Variants in KCNT1 observed in about 807,000 individuals in gnomAD.
KCNT1 encodes the protein potassium sodium-activated channel subfamily T member 1.
Under a neutral mutation model 147.8 loss-of-function variants are expected in KCNT1, and 78 were observed. The ratio of observed to expected loss-of-function variants is 0.53; its 90% CI spans 0.44 to 0.64. KCNT1 has a LOEUF of 0.64. Ranked by LOEUF, KCNT1 falls within the 30% of genes least tolerant of loss-of-function variation. The pLI is 0.00. For missense variants in KCNT1, 1,419 were observed against 1,750.3 expected (o/e 0.81, Z 3.38); for synonymous variants, 867 against 748.8 (o/e 1.16, Z -2.58).
chr9:135,746,789 C>T (rs1030347268), intron 2 of KCNT1, among the ~76,000 whole-genome samples: 9 of 151,676 alleles, frequency 5.9e-5, no homozygotes, highest in Non-Finnish European at 1.3e-4. Flanking sequence ...ATGGTCAGGG[C>T]GGAGCTGGGC....
intron 19 of KCNT1, among the ~76,000 whole-genome samples, chr9:135,774,822 C>T (rs1285887884): frequency 6.6e-6 from 1 of 152,028 alleles, no homozygotes; most frequent in African/African-American, 2.4e-5. Context: ...CTGGGCTGAC[C>T]AGGTGAGGGG....
At chr9:135,782,555 G>A (rs1833690877) in intron 24 of KCNT1, among the ~76,000 whole-genome samples, 1 of 152,208 alleles carries the variant, frequency 6.6e-6, no homozygotes, top group South Asian at 2.1e-4. Flanking sequence ...GTGTGCTCCT[G>A]TCTTCACTGT....
At chr9:135,754,566 C>T (rs2131424778) in intron 5 of KCNT1, among the ~76,000 whole-genome samples, 1 of 152,342 alleles carries the variant, frequency 6.6e-6, no homozygotes, top group South Asian at 2.1e-4. Context: ...GTCCCCAGTG[C>T]CTGAGCCCCT....
intron 20 of KCNT1, among the ~76,000 whole-genome samples, chr9:135,776,864 G>A (rs1588379824): frequency 6.6e-6 from 1 of 152,338 alleles, no homozygotes; most frequent in African/African-American, 2.4e-5. Context: ...CTTTCCAACC[G>A]GAGATGTTCC....
At chr9:135,712,189 C>T (rs997489931) in intron 1 of KCNT1, among the ~76,000 whole-genome samples, 13 of 152,158 alleles carry the variant, frequency 8.5e-5, no homozygotes, top group African/African-American at 3.1e-4. Context: ...GTCCCGTCAC[C>T]TCAGCCCTGG....
intron 29 of KCNT1, chr9:135,787,977 T>C: frequency 1.4e-6 from 1 of 737,712 alleles, no homozygotes; most frequent in Non-Finnish European, 2.5e-6. Context: ...GACTCGCTTC[T>C]GGTGGCCGGC....
At chr9:135,723,804 G>A (rs1011390132) in intron 2 of KCNT1, among the ~76,000 whole-genome samples, 1 of 152,192 alleles carries the variant, frequency 6.6e-6, no homozygotes, top group Non-Finnish European at 1.5e-5. Context: ...CCACCCCTCG[G>A]GGCTTGCAGG....
Position 135,714,739 on chromosome 9 carries a change from G to GGGC in KCNT1, c.254+19_254+20insGGC, listed in dbSNP as rs368700117. The GGGC allele has an allele frequency of 7.5e-7, 1 of 1,340,550 alleles. No individual in the cohort carries two copies. Among genetic ancestry groups the GGGC allele is most frequent in the Non-Finnish European group, 9.7e-7 (1 of 1,030,282 alleles). The allele number at this position is 1,340,550 out of a possible 1,614,324, so 83.0% of individuals were successfully genotyped here. A position where few individuals can be genotyped will look rare whatever the true frequency, so the allele number is the denominator to read the frequency against. ...ACGACAGGTAGGGACCGGGCGCGGG[G>GGGC]TGGGGGCTGGGGTCGCCGTCCCGGC... On this transcript the variant is annotated intron_variant, in intron 2 of 30. Transcript: ENST00000371757. This position sits in a 1 kb window ranked among gnomAD's most constrained non-coding sequence, Gnocchi z 6.2.
chr9:135,760,939 C>CA (rs1387051679), intron 11 of KCNT1, among the ~76,000 whole-genome samples: 2 of 152,214 alleles, frequency 1.3e-5, no homozygotes, highest in Non-Finnish European at 2.9e-5. Flanking sequence ...TAGAAGAAGC[C>CA]AGTTGTGTGT....
chr9:135,735,789 A>G (rs922105947), intron 2 of KCNT1, among the ~76,000 whole-genome samples: 3 of 152,132 alleles, frequency 2.0e-5, no homozygotes, highest in Admixed American at 6.5e-5. Context: ...GCCACCCGGC[A>G]CTGCTGAGGA....
intron 1 of KCNT1, among the ~76,000 whole-genome samples, chr9:135,709,504 C>A (rs75723241): frequency 3.3e-5 from 5 of 152,158 alleles, no homozygotes; most frequent in Admixed American, 2.6e-4. Context: ...TGCTCCCAGT[C>A]GGCTGGACAC....
At chr9:135,773,778 T>C (rs1415806313) in intron 19 of KCNT1, among the ~76,000 whole-genome samples, 1 of 152,074 alleles carries the variant, frequency 6.6e-6, no homozygotes, top group Non-Finnish European at 1.5e-5. Context: ...AACCATTGCA[T>C]GTGTGTGTTG....
At chr9:135,756,120 C>T (rs1360497756) in intron 6 of KCNT1, among the ~76,000 whole-genome samples, 1 of 150,102 alleles carries the variant, frequency 6.7e-6, no homozygotes, top group Non-Finnish European at 1.5e-5. Context: ...ATGCTGAAGA[C>T]AGACAGGCTC....
intron 16 of KCNT1, 77 bp downstream of exon 16, chr9:135,770,132 G>C: frequency 7.1e-7 from 1 of 1,407,886 alleles, no homozygotes. Context: ...CCTGCTTGGG[G>C]GCGGGGATGG....
At position 135,784,829 on chromosome 9, in the gene KCNT1, C is replaced by A; in HGVS notation, c.3096C>A (p.Ser1032=). The A allele has an allele frequency of 6.2e-7, 1 of 1,612,856 alleles. No homozygotes were observed. Among genetic ancestry groups the A allele is most frequent in the South Asian group, 1.1e-5 (1 of 91,076 alleles). ...YGRLFQKLCS[S]SAEIPIGIYR... ...GCCTCTTCCAGAAGCTCTGCTCCTC[C>A]AGCGCCGAGATCCCCATTGGCATCT... The change falls in exon 27 of 31, where the codon TCC becomes TCA. Residue 1032 remains serine (S), a synonymous_variant. Coordinates refer to ENST00000371757, the MANE Select transcript of KCNT1 (RefSeq NM_020822.3).
rs537201689 is a variant in KCNT1 at position 135,751,965 on chromosome 9, C to T, written c.434+924C>T. On this transcript the variant is annotated intron_variant, in intron 4 of 30. Coordinates refer to ENST00000371757, the MANE Select transcript of KCNT1 (RefSeq NM_020822.3). ...AATGTCCTTCCGAAGATGGTGTCTCCAGTCCTTTCCTGTTTTACGCTTTCC... is the reference window on the plus strand; with the variant it reads ...AATGTCCTTCCGAAGATGGTGTCTCTAGTCCTTTCCTGTTTTACGCTTTCC... The T allele has an allele frequency of 2.1e-5, 4 of 190,578 alleles. 1 individual carries two copies. The South Asian group carries it at 3.1e-4, about 15-fold the overall frequency. The allele number at this position is 190,578 out of a possible 1,614,324, so 11.8% of individuals were successfully genotyped here. A position where few individuals can be genotyped will look rare whatever the true frequency, so the allele number is the denominator to read the frequency against.
At chr9:135,736,613 G>C (rs1350210954) in intron 2 of KCNT1, 2 of 153,070 alleles carry the variant, frequency 1.3e-5, no homozygotes, top group East Asian at 3.8e-4. Context: ...GCCGCCCGCC[G>C]CGCCGAGCGC....
chr9:135,719,186 G>A (rs1486320662), intron 2 of KCNT1, among the ~76,000 whole-genome samples: 1 of 152,236 alleles, frequency 6.6e-6, no homozygotes, highest in Non-Finnish European at 1.5e-5. Flanking sequence ...GCTCTCAAGA[G>A]TGTCCCGGAA....
intron 11 of KCNT1, among the ~76,000 whole-genome samples, chr9:135,760,896 CT>C (rs1333684801): frequency 1.3e-5 from 2 of 152,188 alleles, no homozygotes; most frequent in East Asian, 1.9e-4. Context: ...GGTCTTCCCC[CT>C]GGTTCTCGCT....
Sources: gnomAD v4.1 joint callset for allele counts (sites outside exome capture counted in the v4.1 genomes callset) on GRCh38, gnomAD v4.1.1 for gene constraint, Gnocchi (gnomAD v3.1) non-coding constraint, MANE v1.5 for transcripts, NCBI Gene and HGNC (gene_info 2026-07-23, HGNC 2026-07-21) for gene names.